KCNH5: variants seen among roughly 807,000 people sequenced by gnomAD.
The protein encoded by KCNH5 is voltage-gated delayed rectifier potassium channel KCNH5.
Under a neutral mutation model 96.1 loss-of-function variants are expected in KCNH5, and 46 were observed. That is an observed-to-expected ratio of 0.48 (90% CI 0.38 to 0.61). The LOEUF is 0.61. Ranked by LOEUF, KCNH5 falls within the 20% of genes least tolerant of loss-of-function variation. The pLI is 0.00. For synonymous variants in KCNH5, 439 were observed against 449.8 expected (o/e 0.98, Z 0.30); for missense variants, 907 against 1,225.8 (o/e 0.74, Z 3.88).
At chr14:62,747,155 G>T (rs1044512596) in intron 10 of KCNH5, among the ~76,000 whole-genome samples, 3 of 152,194 alleles carry the variant, frequency 2.0e-5, no homozygotes, top group Admixed American at 6.5e-5. Flanking sequence ...CCAACATGGT[G>T]AAGACCCATC....
chr14:62,720,962 C>T (rs991020716), intron 10 of KCNH5, among the ~76,000 whole-genome samples: 1 of 152,152 alleles, frequency 6.6e-6, no homozygotes, highest in Admixed American at 6.5e-5. Context: ...CTAAACACTC[C>T]CATAAAAATG....
intron 7 of KCNH5, among the ~76,000 whole-genome samples, chr14:62,885,349 G>A (rs1888575811): frequency 6.6e-6 from 1 of 152,106 alleles, no homozygotes; most frequent in South Asian, 2.1e-4. Context: ...TGAGAACATA[G>A]TAAGCATATA....
chr14:62,785,825 C>T (rs982373018), intron 9 of KCNH5, among the ~76,000 whole-genome samples: 1 of 152,110 alleles, frequency 6.6e-6, no homozygotes, highest in African/African-American at 2.4e-5. Context: ...GATTTTATAG[C>T]CAGATTTATT....
At chr14:62,866,476 T>A (rs1888136294) in intron 7 of KCNH5, among the ~76,000 whole-genome samples, 2 of 152,206 alleles carry the variant, frequency 1.3e-5, no homozygotes, top group Admixed American at 1.3e-4. Context: ...TGCCAAGGCT[T>A]GACATGTATG....
chr14:62,777,185 G>T (rs1014473275), intron 10 of KCNH5, among the ~76,000 whole-genome samples: 2 of 152,200 alleles, frequency 1.3e-5, no homozygotes, highest in African/African-American at 4.8e-5. Flanking sequence ...ATAAATTGTT[G>T]ACAGTGTTTC....
chr14:62,791,022 T>C (rs187372594), intron 9 of KCNH5, among the ~76,000 whole-genome samples: 96 of 151,796 alleles, frequency 6.3e-4, no homozygotes, highest in South Asian at 2.7e-3. Context: ...TGAATAGAAG[T>C]GGTAACAGCA....
At chr14:62,751,003 A>G (rs1885487061) in intron 10 of KCNH5, among the ~76,000 whole-genome samples, 6 of 152,072 alleles carry the variant, frequency 3.9e-5, no homozygotes, top group Admixed American at 3.9e-4. Context: ...CATAACTTGT[A>G]TATAAGAATG....
intron 9 of KCNH5, among the ~76,000 whole-genome samples, chr14:62,783,809 CTT>C (rs1306116769): frequency 6.6e-6 from 1 of 151,456 alleles, no homozygotes; most frequent in Non-Finnish European, 1.5e-5. Flanking sequence ...AAATTCCTAA[CTT>C]ATAATGTTAA....
intron 1 of KCNH5, among the ~76,000 whole-genome samples, chr14:63,019,053 T>C (rs1449538062): frequency 1.3e-5 from 2 of 152,144 alleles, no homozygotes; most frequent in Middle Eastern, 3.4e-3. Flanking sequence ...GAAGACATGT[T>C]CTGTGGGACA....
intron 6 of KCNH5, among the ~76,000 whole-genome samples, chr14:62,969,451 A>G (rs529387771): frequency 1.3e-5 from 2 of 152,344 alleles, no homozygotes; most frequent in African/African-American, 4.8e-5. Flanking sequence ...AAATCAACAA[A>G]GCCAAAAGCT....
intron 7 of KCNH5, among the ~76,000 whole-genome samples, chr14:62,909,617 C>T (rs1379164513): frequency 6.6e-6 from 1 of 152,154 alleles, no homozygotes; most frequent in Non-Finnish European, 1.5e-5. Flanking sequence ...GTTCTTCACC[C>T]CCACTGCCAT....
intron 7 of KCNH5, among the ~76,000 whole-genome samples, chr14:62,879,999 A>T (rs1888460335): frequency 6.6e-6 from 1 of 152,196 alleles, no homozygotes; most frequent in Non-Finnish European, 1.5e-5. Flanking sequence ...AAGCACACCA[A>T]GCAATGTGTT....
intron 7 of KCNH5, among the ~76,000 whole-genome samples, chr14:62,873,589 T>A (rs1481142578): frequency 6.6e-6 from 1 of 152,236 alleles, no homozygotes; most frequent in Admixed American, 6.5e-5. Flanking sequence ...ATCTAATGCT[T>A]TGAATTATAT....
chr14:62,915,748 C>T (rs758213006), intron 7 of KCNH5, among the ~76,000 whole-genome samples: 7 of 152,038 alleles, frequency 4.6e-5, no homozygotes, highest in Non-Finnish European at 1.0e-4. Flanking sequence ...ATCTTTTTAT[C>T]GAACATCTAC....
chr14:62,788,970 G>A (rs541338947), intron 9 of KCNH5, among the ~76,000 whole-genome samples: 2 of 151,970 alleles, frequency 1.3e-5, no homozygotes, highest in African/African-American at 4.8e-5. Flanking sequence ...AAATCTCTGA[G>A]ATATGTCAGT....
In KCNH5 at chr14:63,006,482, A is replaced by G. The variant is rs767054080; in HGVS notation, c.198-10T>C. 84 of 1,326,650 alleles carry G rather than the reference A, an allele frequency of 6.3e-5. No homozygotes were observed. The highest frequency in any genetic ancestry group is 4.6e-4 in the Admixed American group (25 of 54,372). 82.2% of individuals were successfully genotyped at this position (1,326,650 alleles called of 1,614,324 possible). ...TTCCCCATACATAAAACTGGGGGGG[A>G]AAAAAAACAAACAATCGATTTCACT... On this transcript the variant is annotated splice_polypyrimidine_tract_variant and intron_variant, in intron 2 of 10. Transcript: ENST00000322893.
At chr14:62,978,554 T>G (rs1266620589) in intron 6 of KCNH5, among the ~76,000 whole-genome samples, 1 of 146,858 alleles carries the variant, frequency 6.8e-6, no homozygotes, top group African/African-American at 2.5e-5. Flanking sequence ...GCCCCTGCAC[T>G]CCTGCTTGAG....
chr14:62,817,883 TAA>T (rs1887025326), intron 8 of KCNH5, among the ~76,000 whole-genome samples: 1 of 46,110 alleles, frequency 2.2e-5, no homozygotes, highest in Non-Finnish European at 3.9e-5. Context: ...ATAATAGCCA[TAA>T]ATATAAATAT....
chr14:62,989,752 C>T (rs1890775913), intron 4 of KCNH5, among the ~76,000 whole-genome samples: 1 of 152,086 alleles, frequency 6.6e-6, no homozygotes, highest in African/African-American at 2.4e-5. Flanking sequence ...GCATAAAATA[C>T]ACCATAAAAT....
Sources: gnomAD v4.1 joint callset for allele counts (sites outside exome capture counted in the v4.1 genomes callset) on GRCh38, gnomAD v4.1.1 for gene constraint, MANE v1.5 for transcripts, NCBI Gene and HGNC (gene_info 2026-07-23, HGNC 2026-07-21) for gene names.